AIFM2: variants seen among roughly 807,000 people sequenced by gnomAD.
The protein encoded by AIFM2 is ferroptosis suppressor protein 1.
A neutral mutation model predicts 35.7 loss-of-function variants in AIFM2; 38 were observed. That is an observed-to-expected ratio of 1.06 (90% CI 0.82 to 1.39). AIFM2 has a LOEUF of 1.39. AIFM2 is among the 40% of genes most tolerant of loss of function. AIFM2 has a pLI of 0.00. For missense variants in AIFM2, 476 were observed against 491.2 expected (o/e 0.97, Z 0.29); for synonymous variants, 185 against 203.5 (o/e 0.91, Z 0.77).
chr10:70,122,495 G>A (rs972299285), intron 3 of AIFM2, among the ~76,000 whole-genome samples: 3 of 152,248 alleles, frequency 2.0e-5, no homozygotes, highest in African/African-American at 4.8e-5. Flanking sequence ...ATCCAGAGCT[G>A]GTGGCAGCTT....
chr10:70,123,335 C>A, intron 3 of AIFM2, 70 bp downstream of exon 3: 2 of 1,389,214 alleles, frequency 1.4e-6, no homozygotes, highest in Non-Finnish European at 2.0e-6. Flanking sequence ...TCTCTTGACC[C>A]TGGAGGATCC....
intron 1 of AIFM2, among the ~76,000 whole-genome samples, chr10:70,129,253 A>C (rs1173721814): frequency 6.6e-6 from 1 of 151,788 alleles, no homozygotes; most frequent in Non-Finnish European, 1.5e-5. Flanking sequence ...GGGGTAAGCC[A>C]CTGTGATTTC....
chr10:70,113,987 A>C lies in AIFM2; in HGVS notation c.*191T>G. ...CTTCCAAACCCAGAAAGTATCCTCTAAGGGGGGTATTTGTTTAATACCTCT... is the reference window on the plus strand; with the variant it reads ...CTTCCAAACCCAGAAAGTATCCTCTCAGGGGGGTATTTGTTTAATACCTCT... On this transcript the variant is annotated 3_prime_UTR_variant, in exon 9 of 9. Coordinates refer to ENST00000307864, the MANE Select transcript of AIFM2 (RefSeq NM_032797.6). 1 of 693,674 alleles carries C rather than the reference A, an allele frequency of 1.4e-6. No homozygotes were observed. The highest frequency in any genetic ancestry group is 2.3e-6 in the Non-Finnish European group (1 of 437,492). The allele number at this position is 693,674 out of a possible 1,614,324, so 43.0% of individuals were successfully genotyped here.
In AIFM2 at chr10:70,112,900, A is replaced by G. The variant is rs2072392214; in HGVS notation, c.*1278T>C. 1 of 152,292 alleles carries G rather than the reference A, an allele frequency of 6.6e-6. No homozygotes were observed. Among genetic ancestry groups the G allele is most frequent in the Non-Finnish European group, 1.5e-5 (1 of 68,094 alleles). 9.4% of individuals were successfully genotyped at this position (152,292 alleles called of 1,614,324 possible). ...GGTTGGCCAGGAAACCAGAAGCACA[A>G]AACCACAAAGTCCCTCAAGGGCCCT... On this transcript the variant is annotated 3_prime_UTR_variant, in exon 9 of 9. Coordinates refer to ENST00000307864, the MANE Select transcript of AIFM2 (RefSeq NM_032797.6).
At position 70,112,535 on chromosome 10, in the gene AIFM2, C is replaced by G. The variant is rs1209532099; in HGVS notation, c.*1643G>C. The G allele has an allele frequency of 6.6e-6, 1 of 152,220 alleles. No homozygotes were observed. Among genetic ancestry groups the G allele is most frequent in the Non-Finnish European group, 1.5e-5 (1 of 68,062 alleles). The allele number at this position is 152,220 out of a possible 1,614,324, so 9.4% of individuals were successfully genotyped here. A position where few individuals can be genotyped will look rare whatever the true frequency, so the allele number is the denominator to read the frequency against. ...TTGGATGCAACCACCAGGGGAACAGCCATCCTCCAATAGAGGCACACGACT... is the reference window on the plus strand; with the variant it reads ...TTGGATGCAACCACCAGGGGAACAGGCATCCTCCAATAGAGGCACACGACT... On this transcript the variant is annotated 3_prime_UTR_variant, in exon 9 of 9. Transcript: ENST00000307864.
At chr10:70,126,797 A>G (rs2072571512) in intron 1 of AIFM2, among the ~76,000 whole-genome samples, 2 of 152,110 alleles carry the variant, frequency 1.3e-5, no homozygotes, top group African/African-American at 4.8e-5. Flanking sequence ...GCACTGACAC[A>G]ATGGATTGGA....
At chr10:70,114,382 G>C in intron 8 of AIFM2, 53 bp from the exon 9 acceptor site, 1 of 1,607,116 alleles carries the variant, frequency 6.2e-7, no homozygotes, top group African/African-American at 1.3e-5. Context: ...GCCTGGGGCT[G>C]CACCTCCCAG....
chr10:70,131,421 C>T lies in AIFM2; in HGVS notation c.-14+1313G>A, dbSNP rs1307923872. On this transcript the variant is annotated intron_variant, in intron 1 of 8. Transcript: ENST00000307864. The surrounding 1 kb of genome is among the most constrained non-coding windows in gnomAD (Gnocchi z 4.1). The stretch of plus-strand genomic sequence containing the variant: ...TCCATGGCCAGCCCCTCAGGGACTA[C>T]TTGAAGAACAGAACCCCCAAAAGAC... Among the ~76,000 whole-genome samples, 1 of 152,152 alleles carries T rather than the reference C, an allele frequency of 6.6e-6. No homozygotes were observed. Among genetic ancestry groups the T allele is most frequent in the East Asian group, 1.9e-4 (1 of 5,192 alleles).
At chr10:70,126,489 G>T (rs886540352) in intron 1 of AIFM2, among the ~76,000 whole-genome samples, 2 of 152,192 alleles carry the variant, frequency 1.3e-5, no homozygotes, top group African/African-American at 4.8e-5. Flanking sequence ...CCGCTGGAAG[G>T]CCACTGCACT....
Position 70,124,061 on chromosome 10 carries a change from T to A in AIFM2, c.24A>T (p.Glu8Asp). 6.4e-7 allele frequency: 1 copy of A among 1,559,678 alleles called. No homozygotes were observed. Among genetic ancestry groups the A allele is most frequent in the South Asian group, 1.2e-5 (1 of 84,776 alleles). Reference protein sequence around the residue: MGSQVSVESGALHVVIVG... With the variant: MGSQVSVDSGALHVVIVG... The stretch of plus-strand genomic sequence containing the variant: ...CAATCACCACGTGCAGAGCTCCCGA[T>A]TCCACCGAGACCTGGGACCCCATCT... The change falls in exon 2 of 9, where the codon GAA (glutamate) becomes GAT (aspartate). Residue 8 changes from glutamate (E) to aspartate (D), a missense_variant. Physicochemically the swap from Glu to Asp is conservative, Grantham distance 45. Transcript: ENST00000307864.
chr10:70,130,404 A>T (rs972686646), intron 1 of AIFM2, among the ~76,000 whole-genome samples: 1 of 152,160 alleles, frequency 6.6e-6, no homozygotes, highest in Non-Finnish European at 1.5e-5. Context: ...TGTAGATGGA[A>T]TTATACACTA....
intron 1 of AIFM2, among the ~76,000 whole-genome samples, chr10:70,127,778 C>G (rs557490354): frequency 1.6e-4 from 24 of 152,346 alleles, no homozygotes; most frequent in African/African-American, 5.5e-4. Flanking sequence ...ATCTGGGGTT[C>G]CCTGTGAAGG....
rs35599207 is a variant in AIFM2, at chr10:70,121,223, CAAAAAAAAAAAA to C, written c.295-24_295-13del. 6.7e-3 allele frequency: 4,481 copies of C among 665,316 alleles called. 57 individuals carry two copies. In the African/African-American group the frequency reaches 0.12, roughly 17 times the overall value. The allele number at this position is 665,316 out of a possible 1,614,324, so 41.2% of individuals were successfully genotyped here. ...GAGAAGGGCAGGGCCTGAGAGAAACCAAAAAAAAAAAAAAAAAAAAAAAAAAAAAGATGAGGG... is the reference window on the plus strand; with the variant it reads ...GAGAAGGGCAGGGCCTGAGAGAAACCAAAAAAAAAAAAAAAAAGATGAGGG... On this transcript the variant is annotated splice_polypyrimidine_tract_variant and intron_variant, in intron 3 of 8. Coordinates refer to ENST00000307864, the MANE Select transcript of AIFM2 (RefSeq NM_032797.6).
At position 70,132,816 on chromosome 10, in the gene AIFM2, C is replaced by T. The variant is rs1325413808; in HGVS notation, c.-96G>A. On this transcript the variant is annotated 5_prime_UTR_variant, in exon 1 of 9. Transcript: ENST00000307864. ...TTGGTCGTCTTCCCGAGTTACTGAC[C>T]CGAGGCGCTCCCGGGCGGGGCGTGA... The T allele has an allele frequency of 2.0e-5, 3 of 151,950 alleles. No individual in the cohort carries two copies. Among genetic ancestry groups the T allele is most frequent in the Admixed American group, 2.0e-4 (3 of 15,298 alleles). The allele number at this position is 151,950 out of a possible 1,614,324, so 9.4% of individuals were successfully genotyped here. A position where few individuals can be genotyped will look rare whatever the true frequency, so the allele number is the denominator to read the frequency against.
rs1413403471 is a variant in AIFM2 at position 70,121,291 on chromosome 10, G to C, written c.295-80C>G. The C allele has an allele frequency of 2.1e-6, 3 of 1,416,688 alleles. No individual in the cohort carries two copies. In the African/African-American group the frequency reaches 4.5e-5, roughly 21 times the overall value. The allele number at this position is 1,416,688 out of a possible 1,614,324, so 87.8% of individuals were successfully genotyped here. The stretch of plus-strand genomic sequence containing the variant: ...CAGGGCAGGGCAGGCCTAGGCCTCT[G>C]CATCCTACTCCCGGCCTGCCAGCCG... On this transcript the variant is annotated intron_variant, in intron 3 of 8. Coordinates refer to ENST00000307864, the MANE Select transcript of AIFM2 (RefSeq NM_032797.6).
intron 1 of AIFM2, among the ~76,000 whole-genome samples, chr10:70,124,317 G>A (rs1427833912): frequency 6.6e-6 from 1 of 152,218 alleles, no homozygotes; most frequent in Non-Finnish European, 1.5e-5. Flanking sequence ...CCCTTCTCCA[G>A]AGGCATCCAC....
rs74738741 is a variant in AIFM2 at position 70,120,302 on chromosome 10, C to T, written c.507+205G>A. On this transcript the variant is annotated intron_variant, in intron 5 of 8. Transcript: ENST00000307864. ...AGAAAGGACACACCCTGAGCAGCTC[C>T]GTAAGGTCAGGTGCAGCAGGATCCC... 5.4e-3 allele frequency among the ~76,000 whole-genome samples: 828 copies of T among 152,338 alleles called. 4 individuals are homozygous for T. Among genetic ancestry groups the T allele is most frequent in the Non-Finnish European group, 8.9e-3 (603 of 68,030 alleles).
At chr10:70,114,831 G>T in intron 8 of AIFM2, 89 bp downstream of exon 8, 1 of 1,425,736 alleles carries the variant, frequency 7.0e-7, no homozygotes, top group Non-Finnish European at 9.6e-7. Flanking sequence ...GTTTGTTCTA[G>T]TGGCCAGGTA....
chr10:70,115,722 C>T (rs1055771971), intron 7 of AIFM2, among the ~76,000 whole-genome samples: 3 of 152,264 alleles, frequency 2.0e-5, no homozygotes, highest in African/African-American at 4.8e-5. Context: ...GCCAAGATCA[C>T]GCCACTGCAC....
Sources: allele counts gnomAD v4.1 joint callset (sites outside exome capture counted in the v4.1 genomes callset), GRCh38; gene constraint gnomAD v4.1.1; non-coding constraint Gnocchi (gnomAD v3.1); transcripts MANE v1.5; gene names NCBI Gene and HGNC (gene_info 2026-07-23, HGNC 2026-07-21).